LAMA3: variants seen among roughly 807,000 people sequenced by gnomAD.
The protein encoded by LAMA3 is laminin subunit alpha 3, also known as laminin subunit alpha-3.
LAMA3 carries 281 observed loss-of-function variants against 402.0 expected under a neutral mutation model. The observed-to-expected ratio is 0.70, with a 90% CI of 0.63 to 0.77. The LOEUF (loss-of-function observed/expected upper bound fraction) is 0.77. Ranked by LOEUF, LAMA3 falls within the 30% of genes least tolerant of loss-of-function variation. LAMA3 has a pLI of 0.00. For missense variants in LAMA3, 3,840 were observed against 4,215.5 expected (o/e 0.91, Z 2.47); for synonymous variants, 1,431 against 1,558.4 (o/e 0.92, Z 1.93).
intron 44 of LAMA3, among the ~76,000 whole-genome samples, chr18:23,895,821 C>G (rs2080857847): frequency 6.6e-6 from 1 of 151,010 alleles, no homozygotes; most frequent in African/African-American, 2.4e-5. Flanking sequence ...CTTGTGCTTG[C>G]TTTGGGTGAA....
intron 69 of LAMA3, among the ~76,000 whole-genome samples, chr18:23,944,422 A>G (rs2082635133): frequency 6.6e-6 from 1 of 152,236 alleles, no homozygotes; most frequent in Non-Finnish European, 1.5e-5. Flanking sequence ...CTAATGAGGC[A>G]ACTGGACTTC....
At chr18:23,855,037 A>C (rs1026691613) in intron 32 of LAMA3, among the ~76,000 whole-genome samples, 11 of 152,158 alleles carry the variant, frequency 7.2e-5, no homozygotes, top group African/African-American at 2.4e-4. Flanking sequence ...CACACACACA[A>C]AAAAACCACA....
intron 13 of LAMA3, among the ~76,000 whole-genome samples, chr18:23,812,163 A>G (rs140987865): frequency 0.012 from 1,801 of 151,932 alleles, 19 homozygotes; most frequent in East Asian, 0.023. Context: ...GTGAGCCACC[A>G]CTCCCAGCCT....
At chr18:23,798,147 C>T (rs2062802333) in intron 12 of LAMA3, among the ~76,000 whole-genome samples, 1 of 151,956 alleles carries the variant, frequency 6.6e-6, no homozygotes, top group Non-Finnish European at 1.5e-5. Flanking sequence ...TCCTCTTTTC[C>T]TCCTTTCTAT....
Position 23,842,253 on chromosome 18 carries a change from G to A in LAMA3, c.3337-142G>A, listed in dbSNP as rs1177655982. The A allele has an allele frequency of 3.0e-6, 3 of 1,014,814 alleles. No homozygotes were observed. The Admixed American group carries it at 5.9e-5, about 20-fold the overall frequency. 62.9% of individuals were successfully genotyped at this position (1,014,814 alleles called of 1,614,324 possible). A position where few individuals can be genotyped will look rare whatever the true frequency, so the allele number is the denominator to read the frequency against. ...TAAATGTATGTGTGAAGGCTTCTGG[G>A]TGAAGATGGGTTGTCATTTCACTTT... On this transcript the variant is annotated intron_variant, in intron 27 of 74. Coordinates refer to ENST00000313654, the MANE Select transcript of LAMA3 (RefSeq NM_198129.4).
At chr18:23,815,738 A>G (rs2063163108) in intron 17 of LAMA3, among the ~76,000 whole-genome samples, 165 bp downstream of exon 17, 1 of 152,188 alleles carries the variant, frequency 6.6e-6, no homozygotes, top group Admixed American at 6.5e-5. Flanking sequence ...CATTGAAACT[A>G]GTAAATTGCA....
At chr18:23,933,959 G>A (rs768777972) in intron 67 of LAMA3, 24 bp downstream of exon 67, 6 of 1,612,560 alleles carry the variant, frequency 3.7e-6, no homozygotes, top group Non-Finnish European at 5.1e-6. Context: ...CCTAACCCTG[G>A]GTTTCCCTCT....
At chr18:23,854,221 A>G (rs182311688) in intron 32 of LAMA3, among the ~76,000 whole-genome samples, 6 of 152,322 alleles carry the variant, frequency 3.9e-5, no homozygotes, top group Non-Finnish European at 5.9e-5. Flanking sequence ...ATCATCTCGC[A>G]TACATTCTAA....
At chr18:23,885,814 C>T (rs1002393818) in intron 41 of LAMA3, among the ~76,000 whole-genome samples, 1 of 152,120 alleles carries the variant, frequency 6.6e-6, no homozygotes, top group Admixed American at 6.5e-5. Flanking sequence ...CAACCTAGCC[C>T]TGTGCACTCA....
rs937701000 is a variant in LAMA3, at chr18:23,847,767, A to G, written c.4136+99A>G. 7.1e-6 allele frequency: 9 copies of G among 1,273,596 alleles called. No homozygotes were observed. The African/African-American group carries it at 1.3e-4, about 19-fold the overall frequency. The allele number at this position is 1,273,596 out of a possible 1,614,324, so 78.9% of individuals were successfully genotyped here. A position where few individuals can be genotyped will look rare whatever the true frequency, so the allele number is the denominator to read the frequency against. The stretch of plus-strand genomic sequence containing the variant: ...GTCACTTTCCACTTCCCACCTGTCC[A>G]GGGGTGCCCTGTGTTGACCTCGGCA... On this transcript the variant is annotated intron_variant, in intron 32 of 74. Coordinates refer to ENST00000313654, the MANE Select transcript of LAMA3 (RefSeq NM_198129.4).
At chr18:23,932,368 CAA>C in intron 66 of LAMA3, 77 bp downstream of exon 66, 3 of 1,517,218 alleles carry the variant, frequency 2.0e-6, no homozygotes, top group Non-Finnish European at 2.7e-6. Flanking sequence ...GTCCAGTTAA[CAA>C]AGTCAGCTTT....
intron 6 of LAMA3, among the ~76,000 whole-genome samples, chr18:23,757,258 C>A (rs969912119): frequency 6.6e-6 from 1 of 152,064 alleles, no homozygotes; most frequent in Non-Finnish European, 1.5e-5. Context: ...GCCTGGCTCA[C>A]GCTCCTGAGG....
intron 55 of LAMA3, 78 bp from the exon 56 acceptor site, chr18:23,912,633 A>G: frequency 8.5e-7 from 1 of 1,180,228 alleles, no homozygotes; most frequent in East Asian, 2.3e-5. Context: ...CATGGCTACG[A>G]GTCACAAACT....
In LAMA3 at chr18:23,837,570, G is replaced by GATAGATATATATATATATAT. The variant is rs368371253; in HGVS notation, c.3093+484_3093+485insGATATATATATATATATATA. On this transcript the variant is annotated intron_variant, in intron 25 of 74. Coordinates refer to ENST00000313654, the MANE Select transcript of LAMA3 (RefSeq NM_198129.4). ...AAAAAGAATATCATTCAGTTAATCA[G>GATAGATATATATATATATAT]ATATATATATATATATATATATATG... 4.2e-4 allele frequency among the ~76,000 whole-genome samples: 35 copies of GATAGATATATATATATATAT among 83,288 alleles called. 1 individual carries two copies. The highest frequency in any genetic ancestry group is 1.3e-3 in the African/African-American group (29 of 22,380). 54.6% of individuals were successfully genotyped at this position (83,288 alleles called of 152,430 possible). A position where few individuals can be genotyped will look rare whatever the true frequency, so the allele number is the denominator to read the frequency against.
intron 64 of LAMA3, 66 bp from the exon 65 acceptor site, chr18:23,930,996 A>T: frequency 1.4e-6 from 2 of 1,417,206 alleles, no homozygotes; most frequent in Non-Finnish European, 2.0e-6. Flanking sequence ...TGATAAATTC[A>T]GTAAAGATAC....
rs572522771 is a variant in LAMA3 at position 23,736,263 on chromosome 18, G to GTA, written c.448-11677_448-11676dup. Among the ~76,000 whole-genome samples the GTA allele has an allele frequency of 7.5e-4, 112 of 149,696 alleles. 2 individuals are homozygous for GTA. In the South Asian group the frequency reaches 0.024, roughly 32 times the overall value. On this transcript the variant is annotated intron_variant, in intron 2 of 74. Coordinates refer to ENST00000313654, the MANE Select transcript of LAMA3 (RefSeq NM_198129.4). ...TTTAATGTATGTATTTTTAGACTTT[G>GTA]TATAAATGTGCTATCACATCTAGTT...
intron 1 of LAMA3, among the ~76,000 whole-genome samples, chr18:23,694,681 C>T (rs2060651870): frequency 6.6e-6 from 1 of 152,356 alleles, no homozygotes. Context: ...CGCTATACTA[C>T]TGTCACAGAC....
intron 2 of LAMA3, among the ~76,000 whole-genome samples, chr18:23,717,894 T>G (rs182231410): frequency 6.6e-6 from 1 of 152,024 alleles, no homozygotes; most frequent in Non-Finnish European, 1.5e-5. Flanking sequence ...AAAGGACAGT[T>G]TCCCCTTAAA....
chr18:23,905,291 T>A (rs1184070654), intron 51 of LAMA3, among the ~76,000 whole-genome samples: 1 of 152,172 alleles, frequency 6.6e-6, no homozygotes, highest in Non-Finnish European at 1.5e-5. Context: ...AAGTGTCACA[T>A]AATTTGTCAG....
Sources: gnomAD v4.1 joint callset for allele counts (sites outside exome capture counted in the v4.1 genomes callset) on GRCh38, gnomAD v4.1.1 for gene constraint, MANE v1.5 for transcripts, NCBI Gene and HGNC (gene_info 2026-07-23, HGNC 2026-07-21) for gene names.